FAM234B: variants seen among roughly 807,000 people sequenced by gnomAD.
The protein encoded by FAM234B is protein FAM234B.
A neutral mutation model predicts 69.3 loss-of-function variants in FAM234B; 33 were observed. The ratio of observed to expected loss-of-function variants is 0.48; its 90% CI spans 0.36 to 0.64. The LOEUF is 0.64. Among genes scored for constraint, FAM234B ranks in the 30% least tolerant of loss-of-function variants. FAM234B has a pLI of 0.00. For missense variants in FAM234B, 697 were observed against 769.7 expected, an observed-to-expected ratio of 0.91 and a Z score of 1.12; for synonymous variants, 306 against 306.9, an observed-to-expected ratio of 1.00 and a Z score of 0.03.
chr12:13,058,374 T>C (rs564842385), intron 2 of FAM234B, 77 bp from the exon 3 acceptor site: 274 of 1,140,418 alleles, frequency 2.4e-4, no homozygotes, highest in Non-Finnish European at 3.5e-4. Flanking sequence ...GCCTGGTGTT[T>C]ATAGAGCTAC....
intron 10 of FAM234B, among the ~76,000 whole-genome samples, chr12:13,075,581 G>A (rs1865149920): frequency 6.6e-6 from 1 of 150,562 alleles, no homozygotes; most frequent in Non-Finnish European, 1.5e-5. Flanking sequence ...GGGGCTACAG[G>A]CATACCACCA....
rs184067108 is a variant in FAM234B at position 13,054,149 on chromosome 12, C to T, written c.38-1402C>T. Reference sequence around the variant, plus strand: ...TTGTACAATAGTGGTCCTGAGGTGACGTACATTCTCAGCTTATGAAGATAA... The same window carrying T: ...TTGTACAATAGTGGTCCTGAGGTGATGTACATTCTCAGCTTATGAAGATAA... On this transcript the variant is annotated intron_variant, in intron 1 of 12. Transcript: ENST00000197268. Among the ~76,000 whole-genome samples the T allele has an allele frequency of 6.4e-3, 979 of 152,128 alleles. 5 individuals carry two copies. Among genetic ancestry groups the T allele is most frequent in the Non-Finnish European group, 0.01 (682 of 68,018 alleles).
At chr12:13,075,433 C>CTTTT (rs59012504) in intron 10 of FAM234B, among the ~76,000 whole-genome samples, 22 of 137,504 alleles carry the variant, frequency 1.6e-4, no homozygotes, top group Non-Finnish European at 2.8e-4. Flanking sequence ...CTTTTCTTTT[C>CTTTT]TTTTTTTTTT....
In FAM234B at chr12:13,067,131, G is replaced by C. The variant is rs778837714; in HGVS notation, c.1001-24G>C. 4 of 1,613,670 alleles carry C rather than the reference G, an allele frequency of 2.5e-6. No individual in the cohort carries two copies. Among genetic ancestry groups the C allele is most frequent in the East Asian group, 4.5e-5 (2 of 44,890 alleles). The stretch of plus-strand genomic sequence containing the variant: ...CAGTTCTGTTAAATTCAACTTCTCA[G>C]TGTTGGTTCTTCTGTGGTGCTAGGA... On this transcript the variant is annotated intron_variant, in intron 6 of 12. Coordinates refer to ENST00000197268, the MANE Select transcript of FAM234B (RefSeq NM_020853.2). The surrounding 1 kb of genome is among the most constrained non-coding windows in gnomAD (Gnocchi z 4.7).
intron 10 of FAM234B, among the ~76,000 whole-genome samples, chr12:13,074,180 G>A (rs1349585647): frequency 6.6e-6 from 1 of 152,124 alleles, no homozygotes; most frequent in Non-Finnish European, 1.5e-5. Flanking sequence ...AAAAAATTTT[G>A]AAGTCCTTGC....
chr12:13,048,718 G>A (rs145547376), intron 1 of FAM234B, among the ~76,000 whole-genome samples: 1 of 152,036 alleles, frequency 6.6e-6, no homozygotes, highest in South Asian at 2.1e-4. Flanking sequence ...GTTTATCTGT[G>A]GGCCAATGTA....
intron 5 of FAM234B, among the ~76,000 whole-genome samples, chr12:13,063,924 C>T (rs533020304): frequency 1.6e-4 from 24 of 152,038 alleles, no homozygotes; most frequent in Non-Finnish European, 2.9e-4. Context: ...TTTAATAGAC[C>T]TTGTGTTTGC....
chr12:13,058,628 G>A (rs1864956447), intron 3 of FAM234B, 79 bp downstream of exon 3: 3 of 1,194,100 alleles, frequency 2.5e-6, no homozygotes, highest in Non-Finnish European at 3.8e-6. Context: ...GTCCCAAGTG[G>A]TACTGCAGAG....
chr12:13,074,124 G>T (rs1393611197), intron 10 of FAM234B, among the ~76,000 whole-genome samples: 1 of 152,128 alleles, frequency 6.6e-6, no homozygotes, highest in African/African-American at 2.4e-5. Context: ...ACTAGCTCCT[G>T]TTCAGGCATG....
Position 13,067,270 on chromosome 12 carries a change from CCTGT to C in FAM234B, c.1120_1123del (p.Glu375SerfsTer15). 6.2e-7 allele frequency: 1 copy of C among 1,613,988 alleles called. No individual in the cohort carries two copies. Among genetic ancestry groups the C allele is most frequent in the Non-Finnish European group, 8.5e-7 (1 of 1,179,864 alleles). Reference sequence around the variant, plus strand: ...AATGGGAAAAGCGAAGATCCATCAACCTGTCTGAGCTCATTGATGTTTACAGGTA... The same window carrying C: ...AATGGGAAAAGCGAAGATCCATCAACCTGAGCTCATTGATGTTTACAGGTA... On this transcript the variant is annotated frameshift_variant, in exon 7 of 13. Transcript: ENST00000197268. LOFTEE classifies it high-confidence loss of function. The surrounding 1 kb of genome is among the most constrained non-coding windows in gnomAD (Gnocchi z 4.7).
At chr12:13,065,865 C>T (rs1435363048) in intron 5 of FAM234B, among the ~76,000 whole-genome samples, 1 of 152,146 alleles carries the variant, frequency 6.6e-6, no homozygotes. Flanking sequence ...CCATAGAGTT[C>T]ATGATGATAA....
rs1373674679 is a variant in FAM234B at position 13,046,178 on chromosome 12, G to C, written c.37+1738G>C. 1.9e-4 allele frequency among the ~76,000 whole-genome samples: 18 copies of C among 96,360 alleles called. 1 individual carries two copies. 63.2% of individuals were successfully genotyped at this position (96,360 alleles called of 152,430 possible). ...TCTACGGCCATACCACCCTGAACGC[G>C]CCCGATCTCGTCTGATCTCGGAAGC... On this transcript the variant is annotated intron_variant, in intron 1 of 12. Transcript: ENST00000197268.
At chr12:13,076,494 A>G (rs898705489) in intron 11 of FAM234B, among the ~76,000 whole-genome samples, 3 of 152,208 alleles carry the variant, frequency 2.0e-5, no homozygotes, top group African/African-American at 7.2e-5. Context: ...AAATAAGACT[A>G]GTTTCTTGAC....
At position 13,082,534 on chromosome 12, in the gene FAM234B, G is replaced by C. The variant is rs1345537897; in HGVS notation, c.*1904G>C. 1 of 152,190 alleles carries C rather than the reference G, an allele frequency of 6.6e-6. No homozygotes were observed. Among genetic ancestry groups the C allele is most frequent in the Non-Finnish European group, 1.5e-5 (1 of 68,036 alleles). 9.4% of individuals were successfully genotyped at this position (152,190 alleles called of 1,614,324 possible). A position where few individuals can be genotyped will look rare whatever the true frequency, so the allele number is the denominator to read the frequency against. On this transcript the variant is annotated 3_prime_UTR_variant, in exon 13 of 13. Transcript: ENST00000197268. The stretch of plus-strand genomic sequence containing the variant: ...CAGCTTGACTTTGGAGGAATAAGAA[G>C]ATACTTCTAGAGTATGGGAATGATT...
Position 13,062,955 on chromosome 12 carries a change from C to T in FAM234B, c.832C>T (p.Leu278=), listed in dbSNP as rs760248815. Residue 278 remains leucine, a synonymous_variant, in exon 5 of 13, where the codon CTG becomes TTG. Transcript: ENST00000197268. The part of the protein sequence containing the change: ...DEDGVRDLVV[L]AIGELQPDLC... Reference sequence around the variant, plus strand: ...AGACGGTGTTCGAGACCTTGTGGTTCTGGCCATTGGGGAATTGCAGGTATG... The same window carrying T: ...AGACGGTGTTCGAGACCTTGTGGTTTTGGCCATTGGGGAATTGCAGGTATG... 2 of 1,613,858 alleles carry T rather than the reference C, an allele frequency of 1.2e-6. No individual in the cohort carries two copies. The highest frequency in any genetic ancestry group is 2.7e-5 in the African/African-American group (2 of 74,920).
At chr12:13,047,383 A>G (rs776297479) in intron 1 of FAM234B, among the ~76,000 whole-genome samples, 17 of 152,200 alleles carry the variant, frequency 1.1e-4, no homozygotes, top group Non-Finnish European at 2.2e-4. Flanking sequence ...TAGTCTTTAT[A>G]TGCCCTTGGG....
In FAM234B at chr12:13,044,524, G is replaced by A; in HGVS notation, c.37+84G>A. ...CGAGGCTCTGGGGGCGAGGCCGGTC[G>A]GGCCCTGGCCTCAACCCAGACTCAG... is the stretch of plus-strand genomic sequence containing the variant. On this transcript the variant is annotated intron_variant, in intron 1 of 12. Coordinates refer to ENST00000197268, the MANE Select transcript of FAM234B (RefSeq NM_020853.2). This position sits in a 1 kb window ranked among gnomAD's most constrained non-coding sequence, Gnocchi z 5.6. The A allele has an allele frequency of 6.8e-7, 1 of 1,464,612 alleles. No individual in the cohort carries two copies. Among genetic ancestry groups the A allele is most frequent in the South Asian group, 1.2e-5 (1 of 81,378 alleles). The allele number at this position is 1,464,612 out of a possible 1,614,324, so 90.7% of individuals were successfully genotyped here.
At chr12:13,045,026 G>C (rs55814696) in intron 1 of FAM234B, among the ~76,000 whole-genome samples, 36,544 of 152,052 alleles carry the variant, frequency 0.24, 5,373 homozygotes, top group East Asian at 0.53. Context: ...GAACGTCAGG[G>C]GTCTTTTCAC....
At chr12:13,072,766 T>C (rs1270195776) in intron 10 of FAM234B, among the ~76,000 whole-genome samples, 2 of 151,084 alleles carry the variant, frequency 1.3e-5, no homozygotes, top group African/African-American at 4.9e-5. Context: ...TTTCTTAACA[T>C]AAGCTCCATC....
Sources: allele counts gnomAD v4.1 joint callset (sites outside exome capture counted in the v4.1 genomes callset), GRCh38; gene constraint gnomAD v4.1.1; non-coding constraint Gnocchi (gnomAD v3.1); transcripts MANE v1.5; gene names NCBI Gene and HGNC (gene_info 2026-07-23, HGNC 2026-07-21).